RETREG1: variants seen among roughly 807,000 people sequenced by gnomAD.
RETREG1 encodes family with sequence similarity 134 member B.
In RETREG1, 44 loss-of-function variants were observed where a neutral mutation model predicts 54.8. The ratio of observed to expected loss-of-function variants is 0.80; its 90% CI spans 0.63 to 1.03. The LOEUF (loss-of-function observed/expected upper bound fraction) is 1.03, where lower values mean the gene tolerates loss of function less well. RETREG1 is among the 50% of genes least tolerant of loss of function. The pLI, the probability that RETREG1 is intolerant of heterozygous loss-of-function variation, is 0.00. For synonymous variants in RETREG1, 217 were observed against 238.5 expected, an observed-to-expected ratio of 0.91 and a Z score of 0.83; for missense variants, 554 against 605.1, an observed-to-expected ratio of 0.92 and a Z score of 0.89.
At chr5:16,612,615 A>C (rs1743379959) in intron 1 of RETREG1, among the ~76,000 whole-genome samples, 1 of 152,218 alleles carries the variant, frequency 6.6e-6, no homozygotes, top group Non-Finnish European at 1.5e-5. Context: ...GCCCCTCATC[A>C]CCACAAAACT....
chr5:16,613,179 C>A (rs1318827267), intron 1 of RETREG1, among the ~76,000 whole-genome samples: 2 of 152,124 alleles, frequency 1.3e-5, no homozygotes, highest in Non-Finnish European at 2.9e-5. Context: ...ACTGCCCCCA[C>A]AAACCACCTA....
intron 3 of RETREG1, among the ~76,000 whole-genome samples, chr5:16,502,113 C>G (rs963532288): frequency 2.6e-5 from 4 of 152,100 alleles, no homozygotes; most frequent in Middle Eastern, 3.4e-3. Context: ...CCCGCCACCA[C>G]GCCTGGCTCA....
intron 3 of RETREG1, among the ~76,000 whole-genome samples, chr5:16,554,331 G>A (rs765554667): frequency 5.3e-5 from 8 of 152,108 alleles, no homozygotes; most frequent in African/African-American, 1.4e-4. Context: ...TGACTGGGCC[G>A]TGCCAGTCTC....
chr5:16,558,261 T>TA lies in RETREG1; in HGVS notation c.458+7501dup, dbSNP rs542621297. ...AGTGACAGAGCGAGACTCTGTCTCTTAAAAAAAATAAAACAAACAACAACA... is the reference window on the plus strand; with the variant it reads ...AGTGACAGAGCGAGACTCTGTCTCTTAAAAAAAAATAAAACAAACAACAACA... On this transcript the variant is annotated intron_variant, in intron 3 of 8. Coordinates refer to ENST00000306320, the MANE Select transcript of RETREG1 (RefSeq NM_001034850.3). Among the ~76,000 whole-genome samples the TA allele has an allele frequency of 4.4e-3, 668 of 151,564 alleles. 7 individuals are homozygous for TA. The highest frequency in any genetic ancestry group is 0.015 in the African/African-American group (636 of 41,282).
intron 1 of RETREG1, among the ~76,000 whole-genome samples, chr5:16,585,000 C>A (rs1329699343): frequency 4.6e-5 from 7 of 151,158 alleles, no homozygotes; most frequent in Admixed American, 6.6e-5. Flanking sequence ...GGAAGTACTT[C>A]TTTAGTTGTG....
At chr5:16,525,543 G>A (rs1740688760) in intron 3 of RETREG1, among the ~76,000 whole-genome samples, 2 of 152,172 alleles carry the variant, frequency 1.3e-5, no homozygotes, top group East Asian at 1.9e-4. Context: ...AGTCAGCTGG[G>A]AAACAGGCTT....
At chr5:16,589,317 T>G (rs942392005) in intron 1 of RETREG1, among the ~76,000 whole-genome samples, 1 of 121,362 alleles carries the variant, frequency 8.2e-6, no homozygotes, top group African/African-American at 3.5e-5. Flanking sequence ...AACTTGAGTG[T>G]TTTTTTTTTT....
intron 3 of RETREG1, among the ~76,000 whole-genome samples, chr5:16,553,486 A>G (rs1166619369): frequency 1.3e-5 from 2 of 152,062 alleles, no homozygotes; most frequent in Non-Finnish European, 2.9e-5. Context: ...TTGTTTAAAT[A>G]TATATCTATA....
intron 8 of RETREG1, 134 bp downstream of exon 8, chr5:16,477,528 A>T (rs1396763527): frequency 2.2e-6 from 2 of 891,624 alleles, no homozygotes; most frequent in Admixed American, 2.2e-5. Flanking sequence ...TCAGGACTTC[A>T]TTTTTATAGC....
At chr5:16,516,285 T>A (rs1740353526) in intron 3 of RETREG1, among the ~76,000 whole-genome samples, 1 of 152,204 alleles carries the variant, frequency 6.6e-6, no homozygotes, top group Non-Finnish European at 1.5e-5. Context: ...TCTCTCTGAG[T>A]AGGAACTTTA....
At chr5:16,504,264 A>G (rs1739852209) in intron 3 of RETREG1, among the ~76,000 whole-genome samples, 1 of 152,222 alleles carries the variant, frequency 6.6e-6, no homozygotes, top group East Asian at 1.9e-4. Context: ...ATAGCATTCC[A>G]TGGTGTATAT....
chr5:16,525,995 C>T (rs760712021), intron 3 of RETREG1, among the ~76,000 whole-genome samples: 10 of 152,192 alleles, frequency 6.6e-5, no homozygotes, highest in Admixed American at 4.6e-4. Flanking sequence ...ATTCACACTG[C>T]GGAAGATAAT....
intron 3 of RETREG1, among the ~76,000 whole-genome samples, chr5:16,525,940 C>G (rs1265706410): frequency 6.6e-6 from 1 of 152,160 alleles, no homozygotes; most frequent in Non-Finnish European, 1.5e-5. Context: ...CTTCAAGGGA[C>G]CTGGGTCCTT....
At chr5:16,505,573 T>C (rs916170275) in intron 3 of RETREG1, among the ~76,000 whole-genome samples, 1 of 152,164 alleles carries the variant, frequency 6.6e-6, no homozygotes, top group Non-Finnish European at 1.5e-5. Flanking sequence ...GGAAGTTATC[T>C]GGAAAGCGCT....
intron 3 of RETREG1, among the ~76,000 whole-genome samples, chr5:16,491,969 GC>G (rs538302592): frequency 3.7e-4 from 57 of 152,300 alleles, no homozygotes; most frequent in African/African-American, 1.3e-3. Context: ...CAAAACTTGA[GC>G]CTTAATGTGT....
intron 1 of RETREG1, among the ~76,000 whole-genome samples, chr5:16,574,838 C>T (rs1742280451): frequency 6.6e-6 from 1 of 152,218 alleles, no homozygotes; most frequent in Non-Finnish European, 1.5e-5. Flanking sequence ...ATGGAACAGA[C>T]ATAAAAGACA....
At chr5:16,491,685 C>A (rs1410368277) in intron 3 of RETREG1, among the ~76,000 whole-genome samples, 1 of 152,010 alleles carries the variant, frequency 6.6e-6, no homozygotes, top group Non-Finnish European at 1.5e-5. Context: ...TTGTTTTGTT[C>A]TTTCTTGCAA....
intron 3 of RETREG1, among the ~76,000 whole-genome samples, chr5:16,509,856 T>C (rs1399138323): frequency 6.6e-6 from 1 of 152,086 alleles, no homozygotes; most frequent in East Asian, 1.9e-4. Context: ...TAGCCGGGCC[T>C]GATGGGATGC....
rs1366266115 is a variant in RETREG1, at chr5:16,545,822, G to T, written c.458+19941C>A. On this transcript the variant is annotated intron_variant, in intron 3 of 8. Transcript: ENST00000306320. ...GGCATTTCTGTCTGTTGTCAGCACAGAAGCTTCCTCAGAAAGAAGGGTAAA... is the reference window on the plus strand; with the variant it reads ...GGCATTTCTGTCTGTTGTCAGCACATAAGCTTCCTCAGAAAGAAGGGTAAA... Among the ~76,000 whole-genome samples the T allele has an allele frequency of 3.9e-5, 6 of 152,218 alleles. No homozygotes were observed. The East Asian group carries it at 1.2e-3, about 29-fold the overall frequency.
Sources: gnomAD v4.1 joint callset for allele counts (sites outside exome capture counted in the v4.1 genomes callset) on GRCh38, gnomAD v4.1.1 for gene constraint, MANE v1.5 for transcripts, NCBI Gene and HGNC (gene_info 2026-07-23, HGNC 2026-07-21) for gene names.